The following GDAP2 variants were observed in gnomAD, a reference collection of about 807,000 sequenced individuals.
GDAP2 encodes ganglioside-induced differentiation-associated protein 2.
Under a neutral mutation model 67.0 loss-of-function variants are expected in GDAP2, and 51 were observed. The observed-to-expected ratio is 0.76, with a 90% CI of 0.61 to 0.96. The LOEUF (loss-of-function observed/expected upper bound fraction) is 0.96. Ranked by LOEUF, GDAP2 falls within the 40% of genes least tolerant of loss-of-function variation. GDAP2 has a pLI of 0.00. For missense variants in GDAP2, 547 were observed against 588.3 expected (o/e 0.93, Z 0.73); for synonymous variants, 203 against 207.3 (o/e 0.98, Z 0.18).
intron 1 of GDAP2, among the ~76,000 whole-genome samples, chr1:117,927,797 C>T (rs1650505227): frequency 6.6e-6 from 1 of 152,166 alleles, no homozygotes; most frequent in Non-Finnish European, 1.5e-5. Flanking sequence ...TCAAATTTAA[C>T]ATCATAATTC....
intron 12 of GDAP2, among the ~76,000 whole-genome samples, chr1:117,880,465 C>T (rs1429400117): frequency 6.6e-6 from 1 of 152,096 alleles, no homozygotes; most frequent in Non-Finnish European, 1.5e-5. Context: ...TTAAAAGGTA[C>T]ATGAGAAATG....
In GDAP2 at chr1:117,899,114, C is replaced by A. The variant is rs753082891; in HGVS notation, c.739G>T (p.Glu247Ter). The change falls in exon 7 of 14, where the codon GAG (glutamate) becomes TAG (stop). Residue 247 changes from glutamate to a stop codon, truncating the protein, a stop_gained. Transcript: ENST00000369443. LOFTEE classifies it high-confidence loss of function. ...ATCTGTCGTTCAGGTACCACAGGCT[C>A]CCCTTCTGCATTTCCAATATCTGCA... is the stretch of plus-strand genomic sequence containing the variant. ...LPADIGNAEG[E>*]PVVPERQIRI... 1.2e-6 allele frequency: 2 copies of A among 1,612,710 alleles called. No homozygotes were observed. Among genetic ancestry groups the A allele is most frequent in the Admixed American group, 1.7e-5 (1 of 60,020 alleles).
rs1005414711 is a variant in GDAP2 at position 117,869,491 on chromosome 1, A to G, written c.*1078T>C. On this transcript the variant is annotated 3_prime_UTR_variant, in exon 14 of 14. Coordinates refer to ENST00000369443, the MANE Select transcript of GDAP2 (RefSeq NM_017686.4). ...TCCCATTTAAAAACTAACTGAAGAT[A>G]CCCCACCACAACAAAGCCCTTTCTA... is the stretch of plus-strand genomic sequence containing the variant. 2.6e-5 allele frequency: 4 copies of G among 152,636 alleles called. 1 individual carries two copies. The highest frequency in any genetic ancestry group is 6.8e-3 in the Middle Eastern group (2 of 294). 9.5% of individuals were successfully genotyped at this position (152,636 alleles called of 1,614,324 possible).
At chr1:117,881,758 T>G (rs1350905242) in intron 12 of GDAP2, 65 bp downstream of exon 12, 2 of 847,078 alleles carry the variant, frequency 2.4e-6, no homozygotes, top group East Asian at 2.4e-5. Context: ...TGAGCTATTA[T>G]CTTAATACTC....
chr1:117,876,233 C>G (rs758161350), intron 13 of GDAP2, among the ~76,000 whole-genome samples: 2 of 152,044 alleles, frequency 1.3e-5, no homozygotes, highest in Non-Finnish European at 2.9e-5. Context: ...TCTATTAGTT[C>G]CTGTGAAAGC....
At chr1:117,906,451 T>C in intron 6 of GDAP2, 55 bp downstream of exon 6, 1 of 940,526 alleles carries the variant, frequency 1.1e-6, no homozygotes, top group Admixed American at 2.0e-5. Context: ...CAAGCCAAAG[T>C]CAAATGCTTA....
At chr1:117,902,472 T>A (rs1407590935) in intron 6 of GDAP2, among the ~76,000 whole-genome samples, 1 of 152,206 alleles carries the variant, frequency 6.6e-6, no homozygotes, top group Non-Finnish European at 1.5e-5. Flanking sequence ...TTTGAGCTAA[T>A]TTTTGTATCT....
At chr1:117,911,251 T>C (rs1649847117) in intron 5 of GDAP2, among the ~76,000 whole-genome samples, 1 of 152,228 alleles carries the variant, frequency 6.6e-6, no homozygotes, top group Non-Finnish European at 1.5e-5. Context: ...TTTAGCTGAA[T>C]GCCATATTTT....
At chr1:117,896,677 G>C (rs1343671959) in intron 8 of GDAP2, 156 bp downstream of exon 8, 1 of 491,390 alleles carries the variant, frequency 2.0e-6, no homozygotes, top group Non-Finnish European at 3.5e-6. Context: ...TTGAGTTTTT[G>C]CACCTCCAAA....
intron 13 of GDAP2, chr1:117,877,761 T>G: frequency 8.3e-7 from 1 of 1,201,852 alleles, no homozygotes; most frequent in Non-Finnish European, 1.0e-6. Flanking sequence ...AAACGAAAAT[T>G]GGTTCTGAAC....
intron 8 of GDAP2, among the ~76,000 whole-genome samples, chr1:117,891,259 C>T (rs958954440): frequency 1.3e-5 from 2 of 151,198 alleles, no homozygotes; most frequent in Non-Finnish European, 2.9e-5. Context: ...TTTTGCGTGT[C>T]TCCTGGTATA....
In GDAP2 at chr1:117,870,621, G is replaced by A. The variant is rs368351087; in HGVS notation, c.1447-5C>T. On this transcript the variant is annotated splice_polypyrimidine_tract_variant and splice_region_variant and intron_variant, in intron 13 of 13. Coordinates refer to ENST00000369443, the MANE Select transcript of GDAP2 (RefSeq NM_017686.4). ...TGTATAGTAAGGCCCGTTTTCCTGT[G>A]GAAAGAAAAAAGGAGAAGAACATTT... 4.4e-6 allele frequency: 7 copies of A among 1,584,984 alleles called. No individual in the cohort carries two copies. The highest frequency in any genetic ancestry group is 6.1e-6 in the Non-Finnish European group (7 of 1,155,384).
intron 5 of GDAP2, among the ~76,000 whole-genome samples, chr1:117,910,476 G>A (rs754002226): frequency 1.3e-5 from 2 of 152,098 alleles, no homozygotes; most frequent in Non-Finnish European, 2.9e-5. Context: ...AAATCCTTGA[G>A]CAGTTAGAAT....
In GDAP2 at chr1:117,883,514, C is replaced by T. The variant is rs539030928; in HGVS notation, c.1221G>A (p.Lys407=). 1 of 1,612,726 alleles carries T rather than the reference C, an allele frequency of 6.2e-7. No individual in the cohort carries two copies. The highest frequency in any genetic ancestry group is 1.1e-5 in the South Asian group (1 of 91,014). ...EYNHLDSDFL[K]KLYDVVDVKY... ...TGACATCAACAACATCGTAGAGTTTCTTCAGGAAGTCGGAGTCCAGGTGAT... is the reference window on the plus strand; with the variant it reads ...TGACATCAACAACATCGTAGAGTTTTTTCAGGAAGTCGGAGTCCAGGTGAT... Residue 407 remains lysine (K), a synonymous_variant, in exon 11 of 14, where the codon AAG becomes AAA. Coordinates refer to ENST00000369443, the MANE Select transcript of GDAP2 (RefSeq NM_017686.4).
chr1:117,921,906 G>C (rs1473868076), intron 1 of GDAP2, among the ~76,000 whole-genome samples: 3 of 152,174 alleles, frequency 2.0e-5, no homozygotes, highest in Non-Finnish European at 2.9e-5. Context: ...CAAGACTTAA[G>C]AATATAGACA....
rs1284496151 is a variant in GDAP2, at chr1:117,867,586, C to T, written c.*2983G>A. ...GCATGGTGGCAGGCACCTGTAGTCC[C>T]AGCTACTAGGGAGGCTGAGGCAGGA... On this transcript the variant is annotated 3_prime_UTR_variant, in exon 14 of 14. Transcript: ENST00000369443. The T allele has an allele frequency of 1.3e-5, 2 of 153,736 alleles. No individual in the cohort carries two copies. Among genetic ancestry groups the T allele is most frequent in the Admixed American group, 6.7e-5 (1 of 15,026 alleles). The allele number at this position is 153,736 out of a possible 1,614,324, so 9.5% of individuals were successfully genotyped here.
At position 117,864,583 on chromosome 1, in the gene GDAP2, G is replaced by A. The variant is rs1443350460; in HGVS notation, c.*5986C>T. On this transcript the variant is annotated 3_prime_UTR_variant, in exon 14 of 14. Transcript: ENST00000369443. ...TATTTTAAATTTTATTAGTTTTATA[G>A]TTTTGCTTGTGTTAACCCATAAACT... 2 of 152,008 alleles carry A rather than the reference G, an allele frequency of 1.3e-5. No individual in the cohort carries two copies. The highest frequency in any genetic ancestry group is 1.3e-4 in the Admixed American group (2 of 15,248). 9.4% of individuals were successfully genotyped at this position (152,008 alleles called of 1,614,324 possible). A position where few individuals can be genotyped will look rare whatever the true frequency, so the allele number is the denominator to read the frequency against.
chr1:117,920,794 T>A (rs929720948), intron 1 of GDAP2, among the ~76,000 whole-genome samples: 1 of 150,494 alleles, frequency 6.6e-6, no homozygotes, highest in African/African-American at 2.4e-5. Context: ...ACCATATGTA[T>A]AATTTAAAGT....
At position 117,883,693 on chromosome 1, in the gene GDAP2, A is replaced by T; in HGVS notation, c.1108-66T>A. On this transcript the variant is annotated intron_variant, in intron 10 of 13. Coordinates refer to ENST00000369443, the MANE Select transcript of GDAP2 (RefSeq NM_017686.4). The stretch of plus-strand genomic sequence containing the variant: ...ACAGTAGTCTATTTCACAGAGACCA[A>T]GAAAAAACAAAACAAAACAAAATAG... 4.2e-6 allele frequency: 5 copies of T among 1,201,082 alleles called. No individual in the cohort carries two copies. The South Asian group carries it at 7.2e-5, about 17-fold the overall frequency. The allele number at this position is 1,201,082 out of a possible 1,614,324, so 74.4% of individuals were successfully genotyped here.
Sources: allele counts gnomAD v4.1 joint callset (sites outside exome capture counted in the v4.1 genomes callset), GRCh38; gene constraint gnomAD v4.1.1; transcripts MANE v1.5; gene names NCBI Gene and HGNC (gene_info 2026-07-23, HGNC 2026-07-21).